Variants in MCF2L observed in about 807,000 individuals in gnomAD.
MCF2L encodes the protein MCF.2 cell line derived transforming sequence like.
In MCF2L, 97 loss-of-function variants were observed where a neutral mutation model predicts 153.4. The ratio of observed to expected loss-of-function variants is 0.63; its 90% CI spans 0.54 to 0.75. MCF2L has a LOEUF of 0.75. Ranked by LOEUF, MCF2L falls within the 30% of genes least tolerant of loss-of-function variation. The pLI, the probability that MCF2L is intolerant of heterozygous loss-of-function variation, is 0.00. For missense variants in MCF2L, 1,347 were observed against 1,495.2 expected (o/e 0.90, Z 1.64); for synonymous variants, 659 against 632.2 (o/e 1.04, Z -0.64).
chr13:112,979,839 C>T, intron 1 of MCF2L: 1 of 1,321,970 alleles, frequency 7.6e-7, no homozygotes, highest in Non-Finnish European at 1.0e-6. Context: ...GCAGGTGCCT[C>T]CCTGGGGTAT....
rs2034104515 is a variant in MCF2L at position 113,081,255 on chromosome 13, G to A, written c.1851G>A (p.Val617=). ...TCCTGGACACAGAACGGGCCTACGT[G>A]GAGGAGCTGCTGTGCGTCCTGGAGG... ...SELLDTERAY[V]EELLCVLEGY... is the part of the protein sequence containing the mutation. Residue 617 remains valine (V), a synonymous_variant, in exon 16 of 30, where the codon GTG becomes GTA. Coordinates refer to ENST00000535094, the MANE Select transcript of MCF2L (RefSeq NM_001112732.3). The A allele has an allele frequency of 1.3e-6, 2 of 1,592,146 alleles. No homozygotes were observed. Among genetic ancestry groups the A allele is most frequent in the African/African-American group, 1.3e-5 (1 of 74,860 alleles).
Position 113,007,923 on chromosome 13 carries a change from T to C in MCF2L, c.80-6840T>C, listed in dbSNP as rs1184787317. On this transcript the variant is annotated intron_variant, in intron 1 of 29. Transcript: ENST00000535094. The stretch of plus-strand genomic sequence containing the variant: ...TGTGTATCTTTTCTTTTTCTTTTTT[T>C]TTTTTTTTTTTGAGATGGAGTCTCG... 3.2e-4 allele frequency among the ~76,000 whole-genome samples: 48 copies of C among 149,886 alleles called. 1 individual carries two copies. Among genetic ancestry groups the C allele is most frequent in the Middle Eastern group, 6.8e-3 (2 of 294 alleles).
chr13:112,942,560 G>A (rs561401821), intron 2 of MCF2L, among the ~76,000 whole-genome samples: 25 of 152,144 alleles, frequency 1.6e-4, no homozygotes, highest in Admixed American at 1.3e-3. Flanking sequence ...ACACTCTCTC[G>A]TCTCCACACA....
intron 1 of MCF2L, among the ~76,000 whole-genome samples, chr13:112,899,807 A>T (rs2081102975): frequency 6.6e-6 from 1 of 152,206 alleles, no homozygotes. Flanking sequence ...TGTCAGTGTG[A>T]CGGGCCGCGC....
intron 26 of MCF2L, chr13:113,089,948 G>A (rs1320737848): frequency 1.3e-6 from 2 of 1,597,436 alleles, no homozygotes; most frequent in East Asian, 4.5e-5. Flanking sequence ...GCCAGCCCCA[G>A]AAGGAGCCTC....
chr13:112,975,199 A>G (rs2082173699), intron 1 of MCF2L, among the ~76,000 whole-genome samples: 1 of 152,206 alleles, frequency 6.6e-6, no homozygotes, highest in Admixed American at 6.5e-5. Context: ...TCTGATACAC[A>G]CACAAAAATG....
intron 1 of MCF2L, among the ~76,000 whole-genome samples, chr13:112,981,267 G>A (rs1039653365): frequency 1.3e-5 from 2 of 152,150 alleles, no homozygotes; most frequent in Non-Finnish European, 2.9e-5. Context: ...CCACACCATG[G>A]GGTACCACCC....
chr13:113,044,661 T>C (rs1268696271), intron 3 of MCF2L: 1 of 1,611,898 alleles, frequency 6.2e-7, no homozygotes, highest in Non-Finnish European at 8.5e-7. Flanking sequence ...AGGCTTCTAC[T>C]ACCAGGCTCA....
chr13:113,066,493 C>G (rs2032384981), intron 8 of MCF2L, among the ~76,000 whole-genome samples: 1 of 152,222 alleles, frequency 6.6e-6, no homozygotes. Flanking sequence ...CCTGGGGCTT[C>G]TGCATTCCAA....
chr13:113,020,093 T>C (rs2084782173), intron 2 of MCF2L, among the ~76,000 whole-genome samples: 1 of 152,270 alleles, frequency 6.6e-6, no homozygotes, highest in African/African-American at 2.4e-5. Context: ...AGTTTCAGAA[T>C]GTGATGCCTT....
At chr13:112,986,615 A>AG (rs1260501220) in intron 1 of MCF2L, among the ~76,000 whole-genome samples, 5 of 152,236 alleles carry the variant, frequency 3.3e-5, no homozygotes, top group African/African-American at 1.2e-4. Context: ...TGGTTAGGAC[A>AG]GAAACGCAAG....
At chr13:113,072,399 G>A (rs550854593) in intron 9 of MCF2L, among the ~76,000 whole-genome samples, 4 of 152,312 alleles carry the variant, frequency 2.6e-5, no homozygotes, top group South Asian at 2.1e-4. Flanking sequence ...TAAGAGTGGC[G>A]AGACTGGACA....
intron 18 of MCF2L, chr13:113,084,668 T>G (rs1232194267): frequency 1.7e-6 from 1 of 580,586 alleles, no homozygotes; most frequent in Non-Finnish European, 3.1e-6. Flanking sequence ...TCAGGGGCTC[T>G]GGGACAGGGA....
chr13:112,922,061 T>C (rs1020774713), intron 2 of MCF2L, among the ~76,000 whole-genome samples: 26 of 151,958 alleles, frequency 1.7e-4, no homozygotes, highest in African/African-American at 6.0e-4. Context: ...CAGCTCACAG[T>C]GAATGGAGGA....
intron 1 of MCF2L, among the ~76,000 whole-genome samples, chr13:112,901,925 T>C (rs901222802): frequency 3.3e-5 from 5 of 152,254 alleles, no homozygotes; most frequent in Non-Finnish European, 7.3e-5. Context: ...TTGTTGTTTT[T>C]CTTTTCTTCA....
intron 11 of MCF2L, among the ~76,000 whole-genome samples, chr13:113,075,734 T>G (rs1459099423): frequency 1.1e-5 from 1 of 90,170 alleles, no homozygotes; most frequent in Non-Finnish European, 2.6e-5. Context: ...TTCACTGGTG[T>G]TGTCCAGCAC....
In MCF2L at chr13:113,085,075, G is replaced by C. The variant is rs2034504242; in HGVS notation, c.2155-11G>C. ...AAATTGTGCAAACCAAAGGCTCTGG[G>C]TTGGTTCCAGGAATGCCAGAGAAAG... On this transcript the variant is annotated splice_polypyrimidine_tract_variant and intron_variant, in intron 19 of 29. Coordinates refer to ENST00000535094, the MANE Select transcript of MCF2L (RefSeq NM_001112732.3). The C allele has an allele frequency of 1.9e-6, 3 of 1,613,562 alleles. No homozygotes were observed. Among genetic ancestry groups the C allele is most frequent in the Non-Finnish European group, 1.7e-6 (2 of 1,179,780 alleles).
chr13:112,898,917 ACCACCACCCCATC>A (rs2081093801), intron 1 of MCF2L, among the ~76,000 whole-genome samples: 1 of 151,586 alleles, frequency 6.6e-6, no homozygotes. Context: ...CCCTGCACCC[ACCACCACCCCATC>A]CCACCACCCC....
At chr13:113,055,031 C>A (rs2087633812) in intron 4 of MCF2L, 1 of 152,128 alleles carries the variant, frequency 6.6e-6, no homozygotes, top group South Asian at 2.1e-4. Flanking sequence ...TTTATACTTA[C>A]CCCCATCTTT....
Sources: gnomAD v4.1 joint callset for allele counts (sites outside exome capture counted in the v4.1 genomes callset) on GRCh38, gnomAD v4.1.1 for gene constraint, MANE v1.5 for transcripts, NCBI Gene and HGNC (gene_info 2026-07-23, HGNC 2026-07-21) for gene names.